The following SPIRE2 variants were observed in gnomAD, a reference collection of about 807,000 sequenced individuals.
SPIRE2 encodes the protein protein spire homolog 2.
SPIRE2 carries 76 observed loss-of-function variants against 80.7 expected under a neutral mutation model. The ratio of observed to expected loss-of-function variants is 0.94; its 90% CI spans 0.78 to 1.14. The LOEUF is 1.14. Among genes scored for constraint, SPIRE2 ranks in the 50% most tolerant of loss-of-function variants. The pLI is 0.00. For synonymous variants in SPIRE2, 535 were observed against 432.6 expected, an observed-to-expected ratio of 1.24 and a Z score of -2.94; for missense variants, 1,196 against 1,015.3, an observed-to-expected ratio of 1.18 and a Z score of -2.42.
At chr16:89,864,891 C>A (rs1223076708) in intron 12 of SPIRE2, among the ~76,000 whole-genome samples, 2 of 151,332 alleles carry the variant, frequency 1.3e-5, no homozygotes, top group Non-Finnish European at 2.9e-5. Context: ...AAAAACAAGA[C>A]AAAATTAATT....
chr16:89,847,931 C>T (rs1349053107), intron 2 of SPIRE2, among the ~76,000 whole-genome samples: 1 of 152,164 alleles, frequency 6.6e-6, no homozygotes. Flanking sequence ...CCTAGAGGGG[C>T]TGGGTGCTGC....
In SPIRE2 at chr16:89,843,261, T is replaced by C. The variant is rs12933029; in HGVS notation, c.245-2061T>C. Among the ~76,000 whole-genome samples the C allele has an allele frequency of 9.0e-3, 1,369 of 152,240 alleles. 31 individuals carry two copies. The South Asian group carries it at 0.094, about 10-fold the overall frequency. On this transcript the variant is annotated intron_variant, in intron 1 of 14. Coordinates refer to ENST00000378247, the MANE Select transcript of SPIRE2 (RefSeq NM_032451.2). ...CCCTGATACCTTGGAGCAAACAGAT[T>C]CATCCTCCGGTCTCTGTTTCCTCAT...
chr16:89,857,136 C>CTTTTTT (rs59968762), intron 7 of SPIRE2, among the ~76,000 whole-genome samples: 1 of 122,934 alleles, frequency 8.1e-6, no homozygotes, highest in Non-Finnish European at 1.6e-5. Context: ...TTTCCTATAT[C>CTTTTTT]TTTTTTTTTT....
At chr16:89,845,914 T>G in intron 2 of SPIRE2, 3 of 458,908 alleles carry the variant, frequency 6.5e-6, no homozygotes, top group Non-Finnish European at 3.8e-6. Flanking sequence ...TTTATTGTTT[T>G]GAGATGGAGT....
At chr16:89,851,819 G>A (rs1335022904) in intron 3 of SPIRE2, among the ~76,000 whole-genome samples, 2 of 152,052 alleles carry the variant, frequency 1.3e-5, no homozygotes, top group African/African-American at 4.8e-5. Flanking sequence ...AGGTGTTTTC[G>A]AAGTTAACTA....
intron 1 of SPIRE2, among the ~76,000 whole-genome samples, chr16:89,832,892 G>A (rs1292394023): frequency 6.6e-6 from 1 of 152,010 alleles, no homozygotes; most frequent in Non-Finnish European, 1.5e-5. Context: ...CATGATCTCG[G>A]CTCACTGCAA....
intron 3 of SPIRE2, among the ~76,000 whole-genome samples, chr16:89,852,931 C>T (rs1244270359): frequency 4.6e-5 from 3 of 65,890 alleles, no homozygotes; most frequent in Admixed American, 1.7e-4. Flanking sequence ...CCTCTCACCC[C>T]CCGCATCCCA....
chr16:89,828,900 C>T lies in SPIRE2; in HGVS notation c.244+106C>T. On this transcript the variant is annotated intron_variant, in intron 1 of 14. Coordinates refer to ENST00000378247, the MANE Select transcript of SPIRE2 (RefSeq NM_032451.2). The surrounding 1 kb of genome is among the most constrained non-coding windows in gnomAD (Gnocchi z 5.9). ...GGAGAGGCTGCGACCGGTTCTGGAG[C>T]GGGAGATCCCCTTCTCTGCGGGACC... 1.1e-6 allele frequency: 1 copy of T among 920,236 alleles called. No individual in the cohort carries two copies. Among genetic ancestry groups the T allele is most frequent in the South Asian group, 5.3e-5 (1 of 18,704 alleles). 57.0% of individuals were successfully genotyped at this position (920,236 alleles called of 1,614,324 possible). A position where few individuals can be genotyped will look rare whatever the true frequency, so the allele number is the denominator to read the frequency against.
rs746735318 is a variant in SPIRE2 at position 89,858,446 on chromosome 16, G to A, written c.1211G>A (p.Arg404Gln). ...TDAGGSAQRPRPRVLLKAPTL... is the reference protein window; with the variant it reads ...TDAGGSAQRPQPRVLLKAPTL... ...GCTGGGGGCAGCGCCCAGCGCCCGC[G>A]GCCCCGCGTGCTGCTCAAGGCGCCT... is the stretch of plus-strand genomic sequence containing the variant. Residue 404 changes from arginine (R) to glutamine (Q), a missense_variant, in exon 8 of 15, where the codon CGG becomes CAG. Arg to Gln is a conservative substitution (Grantham distance 43, BLOSUM62 1). Transcript: ENST00000378247. The A allele has an allele frequency of 7.4e-6, 12 of 1,611,268 alleles. No homozygotes were observed. In the South Asian group the frequency reaches 7.7e-5, roughly 10 times the overall value.
intron 4 of SPIRE2, 40 bp downstream of exon 4, chr16:89,854,406 C>T: frequency 6.2e-7 from 1 of 1,611,320 alleles, no homozygotes; most frequent in Non-Finnish European, 8.5e-7. Context: ...CTGACGCGGC[C>T]CAGCCTGCCA....
intron 1 of SPIRE2, among the ~76,000 whole-genome samples, chr16:89,832,813 T>C (rs1246808224): frequency 1.3e-5 from 2 of 151,994 alleles, no homozygotes; most frequent in Non-Finnish European, 2.9e-5. Context: ...TGAAGGGCCC[T>C]GTTTTTGTTG....
chr16:89,841,504 C>CA (rs1180012923), intron 1 of SPIRE2, among the ~76,000 whole-genome samples: 1 of 152,156 alleles, frequency 6.6e-6, no homozygotes, highest in Non-Finnish European at 1.5e-5. Context: ...GCTCTGTATG[C>CA]ACTTATACCT....
intron 2 of SPIRE2, chr16:89,850,101 G>T (rs2041607311): frequency 1.4e-6 from 1 of 695,160 alleles, no homozygotes; most frequent in African/African-American, 1.7e-5. Context: ...CTCCCAAAGT[G>T]CTGGGATTAC....
At chr16:89,839,068 G>A (rs1405722611) in intron 1 of SPIRE2, among the ~76,000 whole-genome samples, 1 of 151,990 alleles carries the variant, frequency 6.6e-6, no homozygotes, top group Non-Finnish European at 1.5e-5. Flanking sequence ...GGGGCTGGGC[G>A]CTGTGGCTCA....
intron 2 of SPIRE2, among the ~76,000 whole-genome samples, chr16:89,847,522 A>G (rs1433211947): frequency 6.6e-6 from 1 of 152,218 alleles, no homozygotes; most frequent in Non-Finnish European, 1.5e-5. Flanking sequence ...AGAGCTTGGT[A>G]TGCAGGGACG....
chr16:89,839,505 T>TGCTAGTTC (rs1326077748), intron 1 of SPIRE2, among the ~76,000 whole-genome samples: 1 of 152,122 alleles, frequency 6.6e-6, no homozygotes, highest in Non-Finnish European at 1.5e-5. Context: ...TTTGGGCTGT[T>TGCTAGTTC]GCTAGTTCGT....
chr16:89,836,246 C>T (rs941048614), intron 1 of SPIRE2: 1 of 455,870 alleles, frequency 2.2e-6, no homozygotes, highest in Admixed American at 2.4e-5. Flanking sequence ...GATGATCCAC[C>T]TGTCAGGGGT....
At chr16:89,843,691 G>GTTTTTTTTT (rs1224567542) in intron 1 of SPIRE2, among the ~76,000 whole-genome samples, 1 of 20,638 alleles carries the variant, frequency 4.8e-5, no homozygotes, top group African/African-American at 2.7e-4. Flanking sequence ...GTTTGTTTTT[G>GTTTTTTTTT]TTTTTTGTTT....
chr16:89,833,887 C>T (rs1307756839), intron 1 of SPIRE2, among the ~76,000 whole-genome samples: 1 of 152,112 alleles, frequency 6.6e-6, no homozygotes, highest in Non-Finnish European at 1.5e-5. Context: ...ATCCCTGAGC[C>T]CTCCCATGTA....
Sources: allele counts gnomAD v4.1 joint callset (sites outside exome capture counted in the v4.1 genomes callset), GRCh38; gene constraint gnomAD v4.1.1; non-coding constraint Gnocchi (gnomAD v3.1); transcripts MANE v1.5; gene names NCBI Gene and HGNC (gene_info 2026-07-23, HGNC 2026-07-21).